Variants in ZNF536 observed in about 807,000 individuals in gnomAD.
ZNF536 encodes zinc finger protein 536.
ZNF536 carries 13 observed loss-of-function variants against 84.5 expected under a neutral mutation model. That is an observed-to-expected ratio of 0.15 (90% confidence interval 0.10 to 0.24). ZNF536 has a LOEUF of 0.24. Among genes scored for constraint, ZNF536 ranks in the 10% least tolerant of loss-of-function variants. The pLI, the probability that ZNF536 is intolerant of heterozygous loss-of-function variation, is 1.00. For missense variants in ZNF536, 1,536 were observed against 1,747.5 expected (o/e 0.88, Z 2.16); for synonymous variants, 811 against 742.5 (o/e 1.09, Z -1.50).
intron 4 of ZNF536, chr19:30,556,743 A>C (rs2045977523): frequency 6.3e-6 from 1 of 157,610 alleles, no homozygotes; most frequent in South Asian, 2.0e-4. Flanking sequence ...CTGAATCAAC[A>C]GGGCCTCTGA....
intron 2 of ZNF536, among the ~76,000 whole-genome samples, chr19:30,503,831 G>C (rs1389925308): frequency 6.6e-6 from 1 of 151,718 alleles, no homozygotes; most frequent in African/African-American, 2.4e-5. Context: ...AGGCCACCTG[G>C]GTAGTGGGAT....
chr19:30,327,798 C>T (rs1049696936), intron 2 of ZNF536, among the ~76,000 whole-genome samples: 2 of 152,338 alleles, frequency 1.3e-5, no homozygotes, highest in East Asian at 1.9e-4. Flanking sequence ...CTCACCTCTG[C>T]GGCCTGAGCT....
At chr19:30,594,916 C>T (rs779885776) in intron 1 of ZNF536, among the ~76,000 whole-genome samples, 18 of 152,112 alleles carry the variant, frequency 1.2e-4, no homozygotes, top group Non-Finnish European at 2.4e-4. Context: ...CCAGCTGCCC[C>T]GAAGGCCAAC....
intron 2 of ZNF536, among the ~76,000 whole-genome samples, chr19:30,507,902 C>T (rs1393366154): frequency 1.3e-5 from 2 of 152,106 alleles, no homozygotes; most frequent in Non-Finnish European, 2.9e-5. Context: ...GGTATTATCA[C>T]ATTTAGTTAT....
At chr19:30,690,277 G>T (rs2051354906) in intron 1 of ZNF536, among the ~76,000 whole-genome samples, 1 of 152,186 alleles carries the variant, frequency 6.6e-6, no homozygotes, top group Non-Finnish European at 1.5e-5. Flanking sequence ...CAAAACAAAG[G>T]TCCAGTGAAG....
intron 2 of ZNF536, among the ~76,000 whole-genome samples, chr19:30,328,442 C>G (rs918443412): frequency 6.6e-6 from 1 of 152,202 alleles, no homozygotes; most frequent in African/African-American, 2.4e-5. Flanking sequence ...GCTCTTGGGG[C>G]TCTCTGCTGC....
At chr19:30,625,295 G>A (rs1201608968) in intron 1 of ZNF536, among the ~76,000 whole-genome samples, 4 of 152,146 alleles carry the variant, frequency 2.6e-5, no homozygotes. Flanking sequence ...ACCAACAGAG[G>A]CCCAAGAAGC....
At chr19:30,550,238 C>A (rs2146271981) in intron 4 of ZNF536, among the ~76,000 whole-genome samples, 1 of 152,326 alleles carries the variant, frequency 6.6e-6, no homozygotes, top group South Asian at 2.1e-4. Context: ...CTTGTCTGAT[C>A]CTGTAGCAAA....
chr19:30,419,645 C>T (rs1315523393), intron 1 of ZNF536, among the ~76,000 whole-genome samples: 2 of 152,220 alleles, frequency 1.3e-5, no homozygotes, highest in African/African-American at 2.4e-5. Flanking sequence ...ATAAAGGAAA[C>T]GTGAGTTTTG....
intron 2 of ZNF536, among the ~76,000 whole-genome samples, chr19:30,308,186 A>G (rs1444432214): frequency 2.0e-5 from 3 of 152,136 alleles, no homozygotes; most frequent in Non-Finnish European, 2.9e-5. Flanking sequence ...CCAGGATTCC[A>G]TCTGCTGTGT....
intron 2 of ZNF536, among the ~76,000 whole-genome samples, chr19:30,446,812 AAAC>A (rs141206450): frequency 2.3e-3 from 198 of 87,670 alleles, no homozygotes; most frequent in African/African-American, 6.5e-3. Flanking sequence ...AAAAAAACCA[AAAC>A]AACAACAACA....
intron 2 of ZNF536, among the ~76,000 whole-genome samples, chr19:30,343,239 T>C (rs1247445892): frequency 6.6e-6 from 1 of 152,224 alleles, no homozygotes; most frequent in Non-Finnish European, 1.5e-5. Flanking sequence ...CAGCAGATTA[T>C]AAACAGTGTC....
chr19:30,363,978 G>A (rs944728899), intron 3 of ZNF536, among the ~76,000 whole-genome samples: 23 of 152,274 alleles, frequency 1.5e-4, no homozygotes, highest in African/African-American at 5.3e-4. Context: ...GGGGGAATCT[G>A]GAAAAACTGA....
intron 1 of ZNF536, among the ~76,000 whole-genome samples, chr19:30,264,393 CTCTGTG>C (rs1195837918): frequency 2.9e-4 from 30 of 105,108 alleles, no homozygotes; most frequent in East Asian, 2.3e-3. Context: ...GCAGTTGTGC[CTCTGTG>C]TGTGTGTGTG....
Position 30,443,768 on chromosome 19 carries a change from A to T in ZNF536, c.206A>T (p.His69Leu), listed in dbSNP as rs2148152684. The change falls in exon 2 of 5, where the codon CAC becomes CTC. Residue 69 changes from histidine (H) to leucine (L), a missense_variant. His to Leu is a moderately conservative substitution (Grantham distance 99). Around this residue, in one of 8 missense-constraint regions of ZNF536, gnomAD observed 161 missense variants for 178.5 expected, o/e 0.90. Transcript: ENST00000355537. The stretch of plus-strand genomic sequence containing the variant: ...CCCGCATCCCTGGAGGAGAAGGCCC[A>T]CGTGCCCATGAGCGGCCAGCCCATG... ...KPPASLEEKA[H>L]VPMSGQPMGS... 2.5e-6 allele frequency: 4 copies of T among 1,612,942 alleles called. No homozygotes were observed. The highest frequency in any genetic ancestry group is 3.4e-6 in the Non-Finnish European group (4 of 1,179,580).
At chr19:30,614,394 T>C (rs1288649377) in intron 1 of ZNF536, among the ~76,000 whole-genome samples, 1 of 151,246 alleles carries the variant, frequency 6.6e-6, no homozygotes, top group Non-Finnish European at 1.5e-5. Context: ...CATAACTATA[T>C]ATATATATAT....
rs745912270 is a variant in ZNF536, at chr19:30,524,205, A to C, written c.2171-10642A>C. ...ACTGTACATGCGTACAGCCTGGGAG[A>C]GGTAATTGTTTATCATGTATCTCTT... On this transcript the variant is annotated intron_variant, in intron 2 of 4. Coordinates refer to ENST00000355537, the MANE Select transcript of ZNF536 (RefSeq NM_014717.3). 2.8e-4 allele frequency among the ~76,000 whole-genome samples: 43 copies of C among 152,282 alleles called. No individual in the cohort carries two copies. The Middle Eastern group carries it at 0.014, about 48-fold the overall frequency.
intron 1 of ZNF536, among the ~76,000 whole-genome samples, chr19:30,395,213 G>A (rs1285484136): frequency 6.6e-6 from 1 of 152,178 alleles, no homozygotes; most frequent in Non-Finnish European, 1.5e-5. Context: ...GAACTGACAG[G>A]ACAGGTAGTT....
At chr19:30,291,156 A>G (rs1268074795) in intron 2 of ZNF536, among the ~76,000 whole-genome samples, 1 of 152,202 alleles carries the variant, frequency 6.6e-6, no homozygotes, top group Non-Finnish European at 1.5e-5. Flanking sequence ...ATATGTGTGC[A>G]TGTGTCTTCA....
Sources: allele counts gnomAD v4.1 joint callset (sites outside exome capture counted in the v4.1 genomes callset), GRCh38; gene constraint gnomAD v4.1.1; regional missense constraint gnomAD v4.1.1; transcripts MANE v1.5; gene names NCBI Gene and HGNC (gene_info 2026-07-23, HGNC 2026-07-21).